The following DMC1 variants were observed in gnomAD, a reference collection of about 807,000 sequenced individuals.
DMC1 encodes the protein DNA meiotic recombinase 1, also known as meiotic recombination protein DMC1 homolog.
Under a neutral mutation model 50.1 loss-of-function variants are expected in DMC1, and 27 were observed. The ratio of observed to expected loss-of-function variants is 0.54; its 90% CI spans 0.40 to 0.74. The LOEUF is 0.74. DMC1 is among the 30% of genes least tolerant of loss of function. The pLI, the probability that DMC1 is intolerant of heterozygous loss-of-function variation, is 0.00. For missense variants in DMC1, 295 were observed against 420.2 expected, an observed-to-expected ratio of 0.70 and a Z score of 2.60; for synonymous variants, 148 against 136.1, an observed-to-expected ratio of 1.09 and a Z score of -0.61.
chr22:38,539,153 A>C (rs1302573017), intron 9 of DMC1, among the ~76,000 whole-genome samples, 168 bp downstream of exon 9: 1 of 152,208 alleles, frequency 6.6e-6, no homozygotes, highest in East Asian at 1.9e-4. Context: ...ATTTGAGGGC[A>C]CTTTATTATC....
downstream of DMC1, among the ~76,000 whole-genome samples, chr22:38,514,133 G>A (rs575789331): frequency 1.2e-3 from 176 of 151,928 alleles, no homozygotes; most frequent in African/African-American, 3.9e-3. Context: ...TCCTTGTCTT[G>A]CATTTGCTAG....
Position 38,519,025 on chromosome 22 carries a change from A to T in DMC1, c.*995T>A, listed in dbSNP as rs2089995894. ...ACACATTTCTAAGATTAGTATTCAG[A>T]AATTTTACATTTAAATTAATTTTAA... On this transcript the variant is annotated 3_prime_UTR_variant, in exon 14 of 14. Transcript: ENST00000216024. The T allele has an allele frequency of 6.6e-6, 1 of 152,492 alleles. No homozygotes were observed. The highest frequency in any genetic ancestry group is 6.6e-5 in the Admixed American group (1 of 15,250). 9.4% of individuals were successfully genotyped at this position (152,492 alleles called of 1,614,324 possible). A position where few individuals can be genotyped will look rare whatever the true frequency, so the allele number is the denominator to read the frequency against.
chr22:38,517,012 A>G (rs1260104812), downstream of DMC1, among the ~76,000 whole-genome samples: 4 of 152,062 alleles, frequency 2.6e-5, no homozygotes, highest in Admixed American at 1.3e-4. Flanking sequence ...TTTTGAGACC[A>G]GGTTTCACCA....
chr22:38,555,873 C>T (rs2090464448), intron 5 of DMC1, among the ~76,000 whole-genome samples: 1 of 151,506 alleles, frequency 6.6e-6, no homozygotes, highest in Non-Finnish European at 1.5e-5. Context: ...GCTCTGTCGC[C>T]CAGGCTGGAA....
intron 5 of DMC1, among the ~76,000 whole-genome samples, chr22:38,558,572 C>T (rs1037953666): frequency 4.0e-5 from 6 of 151,628 alleles, no homozygotes; most frequent in African/African-American, 7.3e-5. Context: ...AAAATTAGCC[C>T]GGTGTGGTGG....
intron 12 of DMC1, among the ~76,000 whole-genome samples, chr22:38,526,382 G>T (rs531616296): frequency 6.6e-6 from 1 of 151,926 alleles, no homozygotes; most frequent in African/African-American, 2.4e-5. Context: ...GCTAATTTTT[G>T]TATTTTTAGT....
chr22:38,557,373 TAG>T (rs2090478146), intron 5 of DMC1, among the ~76,000 whole-genome samples: 1 of 151,730 alleles, frequency 6.6e-6, no homozygotes, highest in Non-Finnish European at 1.5e-5. Flanking sequence ...GATTTAAAAA[TAG>T]AGACACAAAT....
chr22:38,540,234 C>T (rs766606907), intron 8 of DMC1, among the ~76,000 whole-genome samples: 1 of 151,946 alleles, frequency 6.6e-6, no homozygotes, highest in Admixed American at 6.6e-5. Flanking sequence ...TTAGTGGAGA[C>T]GGGGTTTCAC....
intron 9 of DMC1, among the ~76,000 whole-genome samples, 158 bp from the exon 10 acceptor site, chr22:38,538,770 C>T (rs1224904649): frequency 2.6e-5 from 4 of 152,178 alleles, no homozygotes; most frequent in South Asian, 2.1e-4. Flanking sequence ...CATGGTGGCT[C>T]ATGCCTATAA....
At chr22:38,543,937 G>C (rs1443832047) in intron 8 of DMC1, among the ~76,000 whole-genome samples, 1 of 152,116 alleles carries the variant, frequency 6.6e-6, no homozygotes, top group Non-Finnish European at 1.5e-5. Context: ...GCCAATAGGG[G>C]AATGACACAG....
intron 13 of DMC1, 35 bp downstream of exon 13, chr22:38,521,573 A>ACACACAC: frequency 1.6e-6 from 2 of 1,269,278 alleles, no homozygotes; most frequent in Non-Finnish European, 2.3e-6. Flanking sequence ...ACACACACAC[A>ACACACAC]CACACACACA....
chr22:38,561,816 G>A (rs2090530508), intron 5 of DMC1, among the ~76,000 whole-genome samples: 1 of 152,130 alleles, frequency 6.6e-6, no homozygotes, highest in Non-Finnish European at 1.5e-5. Context: ...CCACATTTTA[G>A]TAAACTTGCA....
At position 38,538,617 on chromosome 22, in the gene DMC1, T is replaced by C; in HGVS notation, c.587-5A>G. Reference sequence around the variant, plus strand: ...GTAGCTCCATCTGATGTTCACCTGATGGGAAATGCAGTGAGAAAATGTTAT... The same window carrying C: ...GTAGCTCCATCTGATGTTCACCTGACGGGAAATGCAGTGAGAAAATGTTAT... On this transcript the variant is annotated splice_region_variant and splice_polypyrimidine_tract_variant and intron_variant, in intron 9 of 13. Transcript: ENST00000216024. 1 of 1,612,818 alleles carries C rather than the reference T, an allele frequency of 6.2e-7. No individual in the cohort carries two copies. The highest frequency in any genetic ancestry group is 8.5e-7 in the Non-Finnish European group (1 of 1,178,868).
chr22:38,548,599 C>T (rs976948055), intron 8 of DMC1, among the ~76,000 whole-genome samples: 5 of 152,082 alleles, frequency 3.3e-5, no homozygotes, highest in East Asian at 1.9e-4. Context: ...TTAGGCCAGG[C>T]GTGATGGCTC....
rs757346810 is a variant in DMC1 at position 38,521,688 on chromosome 22, G to T, written c.873C>A (p.His291Gln). 6.2e-7 allele frequency: 1 copy of T among 1,613,974 alleles called. No homozygotes were observed. The highest frequency in any genetic ancestry group is 1.1e-5 in the South Asian group (1 of 91,076). The change falls in exon 13 of 14, where the codon CAC becomes CAA. Residue 291 changes from histidine (H) to glutamine (Q), a missense_variant. His to Gln is a conservative substitution (Grantham distance 24). Transcript: ENST00000216024. ...QADPKKPIGG[H>Q]ILAHASTTRI... ...TTGTTGTTGAAGCATGAGCCAGAAT[G>T]TGTCCCCCAATGGGTTTTTTGGGAT...
intron 12 of DMC1, among the ~76,000 whole-genome samples, chr22:38,530,346 A>T (rs1384951078): frequency 6.8e-6 from 1 of 146,250 alleles, no homozygotes; most frequent in Non-Finnish European, 1.5e-5. Flanking sequence ...AGAGGTGGTT[A>T]AAAAAAAAAG....
intron 5 of DMC1, 118 bp from the exon 6 acceptor site, chr22:38,555,527 T>C (rs1224184030): frequency 1.5e-6 from 1 of 678,362 alleles, no homozygotes; most frequent in East Asian, 2.9e-5. Context: ...TATTCTATCA[T>C]CTACCTATCT....
chr22:38,515,740 G>C (rs768443798), downstream of DMC1, among the ~76,000 whole-genome samples: 14 of 151,616 alleles, frequency 9.2e-5, no homozygotes, highest in Non-Finnish European at 1.9e-4. Context: ...GGAGGTTGCA[G>C]TGAGCCAAGA....
chr22:38,553,430 G>A (rs1352163478), intron 6 of DMC1, among the ~76,000 whole-genome samples: 9 of 149,424 alleles, frequency 6.0e-5, no homozygotes, highest in East Asian at 2.0e-4. Flanking sequence ...CTCGGGAGGC[G>A]GAGCTTGCAG....
Sources: allele counts gnomAD v4.1 joint callset (sites outside exome capture counted in the v4.1 genomes callset), GRCh38; gene constraint gnomAD v4.1.1; transcripts MANE v1.5; gene names NCBI Gene and HGNC (gene_info 2026-07-23, HGNC 2026-07-21).